Variants in MCUR1 observed in about 807,000 individuals in gnomAD.
MCUR1 encodes MCU regulator 1.
A neutral mutation model predicts 42.0 loss-of-function variants in MCUR1; 37 were observed. The observed-to-expected ratio is 0.88, with a 90% CI of 0.68 to 1.16. MCUR1 has a LOEUF of 1.16. Ranked by LOEUF, MCUR1 falls within the 50% of genes most tolerant of loss-of-function variation. MCUR1 has a pLI of 0.00. For synonymous variants in MCUR1, 229 were observed against 196.2 expected (o/e 1.17, Z -1.40); for missense variants, 469 against 468.4 (o/e 1.00, Z -0.01).
intron 6 of MCUR1, among the ~76,000 whole-genome samples, chr6:13,795,254 A>G (rs1419670504): frequency 6.6e-6 from 1 of 152,160 alleles, no homozygotes; most frequent in Non-Finnish European, 1.5e-5. Context: ...AGACCAGGAG[A>G]GCCCGATGCA....
intron 6 of MCUR1, among the ~76,000 whole-genome samples, chr6:13,795,213 A>G (rs1470613790): frequency 6.6e-6 from 1 of 152,188 alleles, no homozygotes; most frequent in African/African-American, 2.4e-5. Flanking sequence ...TTGTAAAACC[A>G]AGAACAATGC....
chr6:13,791,609 T>G (rs911677728), intron 8 of MCUR1, among the ~76,000 whole-genome samples: 6 of 152,216 alleles, frequency 3.9e-5, no homozygotes, highest in Admixed American at 3.9e-4. Context: ...AAATCCCTAA[T>G]AACTATAGTT....
chr6:13,807,180 C>T, intron 1 of MCUR1, 136 bp from the exon 2 acceptor site: 2 of 887,478 alleles, frequency 2.3e-6, no homozygotes, highest in Non-Finnish European at 3.2e-6. Context: ...ACAATTCACC[C>T]AATTTCAAGC....
chr6:13,799,513 T>A (rs1006260441), intron 5 of MCUR1, among the ~76,000 whole-genome samples: 1 of 152,130 alleles, frequency 6.6e-6, no homozygotes, highest in Non-Finnish European at 1.5e-5. Context: ...AGACTCCTCA[T>A]ACAATCTCCG....
chr6:13,800,501 G>A, intron 4 of MCUR1, 119 bp from the exon 5 acceptor site: 4 of 593,804 alleles, frequency 6.7e-6, no homozygotes, highest in Non-Finnish European at 3.0e-6. Flanking sequence ...TCAGAACACC[G>A]TATTGATTGC....
Position 13,790,756 on chromosome 6 carries a change from A to C in MCUR1, c.*53T>G. On this transcript the variant is annotated 3_prime_UTR_variant, in exon 9 of 9. Coordinates refer to ENST00000379170, the MANE Select transcript of MCUR1 (RefSeq NM_001031713.4). ...GTGTGAGCCACCGCACCCAGCCAAC[A>C]ATCTGGTATTCTTAAGGCAAAACAG... 4 of 1,459,090 alleles carry C rather than the reference A, an allele frequency of 2.7e-6. No individual in the cohort carries two copies. Among genetic ancestry groups the C allele is most frequent in the South Asian group, 2.3e-5 (2 of 86,000 alleles). The allele number at this position is 1,459,090 out of a possible 1,614,324, so 90.4% of individuals were successfully genotyped here.
In MCUR1 at chr6:13,814,331, G is replaced by GCCGC; in HGVS notation, c.95_98dup (p.Ser34ArgfsTer206). ...GGCAGCGGCGTGCTGAGGTTTCGCT[G>GCCGC]CCGCCCGGTCTTCCGCTGAGGCCCA... On this transcript the variant is annotated frameshift_variant, in exon 1 of 9. Transcript: ENST00000379170. LOFTEE classifies it high-confidence loss of function. 1.3e-6 allele frequency: 2 copies of GCCGC among 1,508,754 alleles called. No individual in the cohort carries two copies. Among genetic ancestry groups the GCCGC allele is most frequent in the Non-Finnish European group, 1.8e-6 (2 of 1,135,412 alleles). The allele number at this position is 1,508,754 out of a possible 1,614,324, so 93.5% of individuals were successfully genotyped here.
At chr6:13,813,213 T>C (rs1162138767) in intron 1 of MCUR1, among the ~76,000 whole-genome samples, 1 of 152,070 alleles carries the variant, frequency 6.6e-6, no homozygotes, top group Non-Finnish European at 1.5e-5. Context: ...AAGGAAGAAG[T>C]CGCCTAATGA....
chr6:13,797,569 G>A (rs575722542), intron 6 of MCUR1, among the ~76,000 whole-genome samples: 6 of 152,112 alleles, frequency 3.9e-5, no homozygotes, highest in South Asian at 2.1e-4. Context: ...TTAGCTGGGC[G>A]TGGTGGCAGG....
intron 6 of MCUR1, among the ~76,000 whole-genome samples, chr6:13,794,313 CT>C (rs1759806822): frequency 6.6e-6 from 1 of 152,106 alleles, no homozygotes; most frequent in Non-Finnish European, 1.5e-5. Flanking sequence ...TCATCTGTCA[CT>C]TCTCCCTGCA....
At chr6:13,809,692 G>A (rs1184424488) in intron 1 of MCUR1, among the ~76,000 whole-genome samples, 3 of 149,182 alleles carry the variant, frequency 2.0e-5, no homozygotes, top group Non-Finnish European at 4.4e-5. Context: ...CCAGGTATTC[G>A]AGACCAACCT....
intron 6 of MCUR1, 146 bp from the exon 7 acceptor site, chr6:13,794,093 C>G: frequency 1.6e-6 from 1 of 606,200 alleles, no homozygotes; most frequent in African/African-American, 1.9e-5. Context: ...CTACCTGCTT[C>G]TTTATATGTG....
intron 6 of MCUR1, among the ~76,000 whole-genome samples, chr6:13,797,310 AG>A (rs1008290477): frequency 6.6e-6 from 1 of 152,354 alleles, no homozygotes; most frequent in East Asian, 1.9e-4. Context: ...AGAATAAAAA[AG>A]GCACCTGATG....
At chr6:13,811,474 T>C (rs1337352314) in intron 1 of MCUR1, among the ~76,000 whole-genome samples, 3 of 152,312 alleles carry the variant, frequency 2.0e-5, no homozygotes, top group East Asian at 3.9e-4. Flanking sequence ...CACTTAAATC[T>C]GGTACCTCTT....
chr6:13,814,522 G>A lies in MCUR1; in HGVS notation c.-93C>T. The A allele has an allele frequency of 2.3e-6, 3 of 1,305,044 alleles. No individual in the cohort carries two copies. Among genetic ancestry groups the A allele is most frequent in the Non-Finnish European group, 2.9e-6 (3 of 1,021,628 alleles). The allele number at this position is 1,305,044 out of a possible 1,614,324, so 80.8% of individuals were successfully genotyped here. On this transcript the variant is annotated 5_prime_UTR_variant, in exon 1 of 9. Transcript: ENST00000379170. Reference sequence around the variant, plus strand: ...CCAGGCCCAGAGTCCGACAGCGGGAGCGAGCGTGGGCCACAGCGCAGGACC... The same window carrying A: ...CCAGGCCCAGAGTCCGACAGCGGGAACGAGCGTGGGCCACAGCGCAGGACC...
At chr6:13,812,468 C>G (rs1341861578) in intron 1 of MCUR1, among the ~76,000 whole-genome samples, 1 of 152,246 alleles carries the variant, frequency 6.6e-6, no homozygotes, top group African/African-American at 2.4e-5. Flanking sequence ...AGAACACTCT[C>G]TTTTTGCCCT....
At position 13,802,208 on chromosome 6, in the gene MCUR1, A is replaced by G. The variant is rs764429159; in HGVS notation, c.639+35T>C. On this transcript the variant is annotated intron_variant, in intron 3 of 8. Coordinates refer to ENST00000379170, the MANE Select transcript of MCUR1 (RefSeq NM_001031713.4). ...ACTACAAATAATACCCCATCTTCAC[A>G]GTCCTAATTTGCTAAACCACCCAAC... 11 of 1,516,428 alleles carry G rather than the reference A, an allele frequency of 7.3e-6. No homozygotes were observed. The East Asian group carries it at 9.0e-5, about 12-fold the overall frequency. The allele number at this position is 1,516,428 out of a possible 1,614,324, so 93.9% of individuals were successfully genotyped here. A position where few individuals can be genotyped will look rare whatever the true frequency, so the allele number is the denominator to read the frequency against.
chr6:13,791,497 A>C (rs13214714), intron 8 of MCUR1, among the ~76,000 whole-genome samples: 1 of 152,168 alleles, frequency 6.6e-6, no homozygotes, highest in African/African-American at 2.4e-5. Flanking sequence ...CGCGAAAGTA[A>C]AATAACTCCT....
chr6:13,809,865 CT>C (rs1760193886), intron 1 of MCUR1, among the ~76,000 whole-genome samples: 1 of 151,862 alleles, frequency 6.6e-6, no homozygotes, highest in Non-Finnish European at 1.5e-5. Flanking sequence ...GATTGCACCA[CT>C]GCACTCCAGC....
Sources: gnomAD v4.1 joint callset for allele counts (sites outside exome capture counted in the v4.1 genomes callset) on GRCh38, gnomAD v4.1.1 for gene constraint, MANE v1.5 for transcripts, NCBI Gene and HGNC (gene_info 2026-07-23, HGNC 2026-07-21) for gene names.